Variants in SORCS3 observed in about 807,000 individuals in gnomAD.
SORCS3 encodes the protein VPS10 domain-containing receptor SorCS3.
SORCS3 carries 57 observed loss-of-function variants against 146.3 expected under a neutral mutation model. The ratio of observed to expected loss-of-function variants is 0.39; its 90% CI spans 0.31 to 0.49. The LOEUF is 0.49. Among genes scored for constraint, SORCS3 ranks in the 20% least tolerant of loss-of-function variants. The pLI, the probability that SORCS3 is intolerant of heterozygous loss-of-function variation, is 0.92. For missense variants in SORCS3, 1,341 were observed against 1,575.5 expected (o/e 0.85, Z 2.52); for synonymous variants, 653 against 618.5 (o/e 1.06, Z -0.83).
At chr10:104,943,318 CG>C (rs958412380) in intron 3 of SORCS3, among the ~76,000 whole-genome samples, 42 of 151,978 alleles carry the variant, frequency 2.8e-4, no homozygotes, top group Non-Finnish European at 8.8e-5. Context: ...TTAGTAGAGA[CG>C]GGGTTCCACC....
chr10:104,828,507 CA>C (rs1191786989), intron 1 of SORCS3, among the ~76,000 whole-genome samples: 2 of 152,082 alleles, frequency 1.3e-5, no homozygotes, highest in Non-Finnish European at 2.9e-5. Flanking sequence ...TCACTCATCA[CA>C]GGTCATCATA....
chr10:105,071,759 G>A (rs945589925), intron 5 of SORCS3, among the ~76,000 whole-genome samples: 1 of 152,010 alleles, frequency 6.6e-6, no homozygotes, highest in African/African-American at 2.4e-5. Flanking sequence ...CAAATAGTAG[G>A]TCTTATTTAT....
chr10:104,684,092 G>T (rs1343748535), intron 1 of SORCS3, among the ~76,000 whole-genome samples: 1 of 152,174 alleles, frequency 6.6e-6, no homozygotes, highest in Non-Finnish European at 1.5e-5. Context: ...AATCAAGGTG[G>T]TAATTCTGCT....
At chr10:105,226,747 C>T (rs535497395) in intron 20 of SORCS3, among the ~76,000 whole-genome samples, 12 of 150,870 alleles carry the variant, frequency 8.0e-5, no homozygotes, top group African/African-American at 2.9e-4. Flanking sequence ...AGTTATTGGC[C>T]TGTAATCAGG....
chr10:104,850,641 T>C (rs2018265167), intron 2 of SORCS3, among the ~76,000 whole-genome samples: 1 of 152,220 alleles, frequency 6.6e-6, no homozygotes, highest in Non-Finnish European at 1.5e-5. Flanking sequence ...TGGGAACCAC[T>C]GAACTCACCC....
intron 1 of SORCS3, among the ~76,000 whole-genome samples, chr10:104,698,348 C>T (rs958642888): frequency 1.3e-5 from 2 of 152,150 alleles, no homozygotes; most frequent in African/African-American, 4.8e-5. Flanking sequence ...CAAATAACAA[C>T]TCAATGGACA....
intron 1 of SORCS3, among the ~76,000 whole-genome samples, chr10:104,816,382 T>A (rs1385382424): frequency 1.3e-5 from 2 of 152,234 alleles, no homozygotes; most frequent in Non-Finnish European, 2.9e-5. Flanking sequence ...TTTCTTCATG[T>A]ATAAACTACC....
chr10:104,855,572 G>A (rs1288380506), intron 2 of SORCS3, among the ~76,000 whole-genome samples: 3 of 152,040 alleles, frequency 2.0e-5, no homozygotes, highest in Non-Finnish European at 4.4e-5. Flanking sequence ...CACTTTCTTT[G>A]GAGTGATTGT....
intron 20 of SORCS3, 96 bp downstream of exon 20, chr10:105,223,345 G>A (rs1431988568): frequency 1.6e-6 from 2 of 1,252,310 alleles, no homozygotes; most frequent in African/African-American, 1.5e-5. Context: ...GAGAATGCAG[G>A]CAATAAGAGG....
chr10:104,681,162 G>A (rs990520760), intron 1 of SORCS3, among the ~76,000 whole-genome samples: 2 of 152,214 alleles, frequency 1.3e-5, no homozygotes, highest in Non-Finnish European at 2.9e-5. Flanking sequence ...CAGGCATGGG[G>A]AGACGCTCAT....
chr10:105,121,097 G>T (rs924133413), intron 7 of SORCS3, among the ~76,000 whole-genome samples: 1 of 152,156 alleles, frequency 6.6e-6, no homozygotes, highest in Non-Finnish European at 1.5e-5. Context: ...AGTGAGATCA[G>T]CTATACACTC....
rs7086217 is a variant in SORCS3 at position 104,786,472 on chromosome 10, C to T, written c.628-56320C>T. ...CTGAGGCAGGAGAATCGCTTGGACC[C>T]GGGAGGTGGAGGTTGCAGTGAGCCA... On this transcript the variant is annotated intron_variant, in intron 1 of 26. Coordinates refer to ENST00000369701, the MANE Select transcript of SORCS3 (RefSeq NM_014978.3). Among the ~76,000 whole-genome samples, 1,015 of 151,358 alleles carry T rather than the reference C, an allele frequency of 6.7e-3. 7 individuals carry two copies. The highest frequency in any genetic ancestry group is 0.023 in the African/African-American group (960 of 41,218).
At chr10:105,245,955 G>A (rs1409443689) in intron 21 of SORCS3, among the ~76,000 whole-genome samples, 1 of 152,144 alleles carries the variant, frequency 6.6e-6, no homozygotes, top group Non-Finnish European at 1.5e-5. Flanking sequence ...AAGCTGGGAG[G>A]TATCTACAAC....
At chr10:104,933,609 T>C (rs1301348969) in intron 3 of SORCS3, among the ~76,000 whole-genome samples, 1 of 152,188 alleles carries the variant, frequency 6.6e-6, no homozygotes, top group African/African-American at 2.4e-5. Flanking sequence ...ATGGAAGTTA[T>C]ATAGGCAACC....
intron 4 of SORCS3, among the ~76,000 whole-genome samples, chr10:105,029,062 A>C (rs1241148412): frequency 6.6e-6 from 1 of 152,052 alleles, no homozygotes; most frequent in Non-Finnish European, 1.5e-5. Flanking sequence ...TAGTTGGCCA[A>C]CCTCTGCTTT....
chr10:105,091,785 G>C (rs1329247169), intron 6 of SORCS3, among the ~76,000 whole-genome samples: 2 of 152,144 alleles, frequency 1.3e-5, no homozygotes, highest in African/African-American at 4.8e-5. Context: ...GAAAGAAACT[G>C]GGAGAAGAAT....
At chr10:105,099,873 C>G (rs539422521) in intron 6 of SORCS3, among the ~76,000 whole-genome samples, 2 of 152,348 alleles carry the variant, frequency 1.3e-5, no homozygotes, top group South Asian at 4.1e-4. Flanking sequence ...GTCTCCATCA[C>G]TGGCATAGGA....
At chr10:104,810,599 C>G (rs535592049) in intron 1 of SORCS3, among the ~76,000 whole-genome samples, 111 of 152,266 alleles carry the variant, frequency 7.3e-4, no homozygotes, top group Non-Finnish European at 1.3e-3. Flanking sequence ...TGCTTTATGA[C>G]CTTCCTGAAA....
chr10:105,113,896 A>G (rs569788941), intron 7 of SORCS3, among the ~76,000 whole-genome samples: 1 of 152,278 alleles, frequency 6.6e-6, no homozygotes, highest in South Asian at 2.1e-4. Flanking sequence ...CCACTTGGAT[A>G]AAAGAGAAAT....
Sources: allele counts gnomAD v4.1 joint callset (sites outside exome capture counted in the v4.1 genomes callset), GRCh38; gene constraint gnomAD v4.1.1; transcripts MANE v1.5; gene names NCBI Gene and HGNC (gene_info 2026-07-23, HGNC 2026-07-21).